LNPK: variants seen among roughly 807,000 people sequenced by gnomAD.
LNPK encodes the protein endoplasmic reticulum junction formation protein lunapark.
Under a neutral mutation model 55.2 loss-of-function variants are expected in LNPK, and 29 were observed. That is an observed-to-expected ratio of 0.53 (90% CI 0.39 to 0.72). LNPK has a LOEUF of 0.72. LNPK is among the 30% of genes least tolerant of loss of function. The pLI, the probability that LNPK is intolerant of heterozygous loss-of-function variation, is 0.00. For missense variants in LNPK, 467 were observed against 494.8 expected (o/e 0.94, Z 0.53); for synonymous variants, 162 against 168.2 (o/e 0.96, Z 0.29).
intron 4 of LNPK, among the ~76,000 whole-genome samples, chr2:175,987,416 C>T (rs1041183720): frequency 2.0e-5 from 3 of 152,066 alleles, no homozygotes; most frequent in South Asian, 2.1e-4. Context: ...AGCAAACTAT[C>T]GCAAGGACAA....
intron 8 of LNPK, among the ~76,000 whole-genome samples, chr2:175,958,121 T>A (rs1413071648): frequency 6.6e-6 from 1 of 152,178 alleles, no homozygotes. Context: ...AGACTCCACC[T>A]CTGGGGGCAG....
intron 9 of LNPK, chr2:175,940,982 T>G (rs1211356705): frequency 2.2e-6 from 1 of 454,668 alleles, no homozygotes; most frequent in Non-Finnish European, 4.4e-6. Flanking sequence ...GCGCAGTAGC[T>G]CATGCCTGTA....
At chr2:175,968,050 G>A (rs1315043785) in intron 6 of LNPK, among the ~76,000 whole-genome samples, 3 of 152,070 alleles carry the variant, frequency 2.0e-5, no homozygotes, top group Admixed American at 1.3e-4. Context: ...TTGCAAGAAT[G>A]ACTCACCATT....
chr2:175,961,499 A>G (rs1389431554), intron 8 of LNPK, among the ~76,000 whole-genome samples: 1 of 152,226 alleles, frequency 6.6e-6, no homozygotes, highest in Non-Finnish European at 1.5e-5. Context: ...ACAAAATTCA[A>G]CAGCCCTTCA....
intron 4 of LNPK, among the ~76,000 whole-genome samples, chr2:175,991,358 G>C (rs978469644): frequency 1.3e-5 from 2 of 152,054 alleles, no homozygotes; most frequent in African/African-American, 2.4e-5. Context: ...TGAAAATAAA[G>C]AAAGTAGCAG....
intron 4 of LNPK, among the ~76,000 whole-genome samples, chr2:175,984,964 C>T (rs75727261): frequency 0.13 from 19,922 of 152,250 alleles, 1,719 homozygotes; most frequent in Non-Finnish European, 0.2. Context: ...TGCAAATGCT[C>T]TTCAGCTGGT....
intron 1 of LNPK, among the ~76,000 whole-genome samples, chr2:175,998,585 AGATTT>A (rs1688046904): frequency 2.6e-5 from 4 of 152,346 alleles, no homozygotes; most frequent in African/African-American, 9.6e-5. Flanking sequence ...TGTATAGATT[AGATTT>A]GAATATTTAT....
chr2:175,945,217 T>G (rs1442779303), intron 9 of LNPK, among the ~76,000 whole-genome samples: 1 of 148,286 alleles, frequency 6.7e-6, no homozygotes, highest in African/African-American at 2.5e-5. Context: ...CACTTTTAAG[T>G]TTCCATCACT....
chr2:175,995,847 T>C (rs1050196476), intron 1 of LNPK, among the ~76,000 whole-genome samples: 1 of 125,962 alleles, frequency 7.9e-6, no homozygotes, highest in African/African-American at 2.9e-5. Context: ...GGAGACTCTC[T>C]GTGTTGCCCA....
chr2:175,947,048 A>G (rs1016157210), intron 9 of LNPK, among the ~76,000 whole-genome samples: 5 of 152,220 alleles, frequency 3.3e-5, no homozygotes, highest in Non-Finnish European at 7.3e-5. Flanking sequence ...TAACAAAAGT[A>G]TACAATACAG....
chr2:175,935,828 G>T, intron 12 of LNPK: 2 of 474,308 alleles, frequency 4.2e-6, no homozygotes, highest in Non-Finnish European at 5.5e-6. Context: ...GCTGGGTGTT[G>T]TTTGCTAACT....
Position 175,992,429 on chromosome 2 carries a change from A to C in LNPK, c.70-11T>G, listed in dbSNP as rs1687748438. ...CAATGCTTGAATTTCCTGTTAAGAG[A>C]AAATTATTCCATGTTAGTAAATTTC... On this transcript the variant is annotated splice_polypyrimidine_tract_variant and intron_variant, in intron 3 of 12. Transcript: ENST00000272748. The C allele has an allele frequency of 2.1e-6, 3 of 1,441,292 alleles. No homozygotes were observed. The highest frequency in any genetic ancestry group is 2.8e-6 in the Non-Finnish European group (3 of 1,077,804). 89.3% of individuals were successfully genotyped at this position (1,441,292 alleles called of 1,614,324 possible).
At chr2:175,992,467 G>T in intron 3 of LNPK, 49 bp from the exon 4 acceptor site, 1 of 1,174,354 alleles carries the variant, frequency 8.5e-7, no homozygotes, top group Non-Finnish European at 1.2e-6. Flanking sequence ...ACTTCATAAA[G>T]AAATTAAAAT....
At chr2:175,967,213 C>A (rs1043269623) in intron 6 of LNPK, among the ~76,000 whole-genome samples, 4 of 152,072 alleles carry the variant, frequency 2.6e-5, no homozygotes, top group Non-Finnish European at 5.9e-5. Flanking sequence ...AAGAATGAAT[C>A]ATTTTTCTGT....
chr2:175,938,432 C>T, intron 10 of LNPK, 49 bp from the exon 11 acceptor site: 1 of 1,038,082 alleles, frequency 9.6e-7, no homozygotes, highest in Non-Finnish European at 1.4e-6. Flanking sequence ...GCAAACAAAG[C>T]TCATGACAGA....
intron 8 of LNPK, among the ~76,000 whole-genome samples, chr2:175,950,817 G>A (rs897059991): frequency 2.6e-5 from 4 of 152,072 alleles, no homozygotes; most frequent in African/African-American, 9.7e-5. Flanking sequence ...CACATGCGAA[G>A]TACTTAACAG....
At chr2:175,955,106 T>A (rs1192417312) in intron 8 of LNPK, among the ~76,000 whole-genome samples, 3 of 152,330 alleles carry the variant, frequency 2.0e-5, no homozygotes, top group African/African-American at 7.2e-5. Flanking sequence ...GCCTTTGTTA[T>A]CTATATTAAA....
intron 4 of LNPK, among the ~76,000 whole-genome samples, chr2:175,986,755 T>C (rs146423973): frequency 1.3e-5 from 2 of 152,008 alleles, no homozygotes; most frequent in East Asian, 3.9e-4. Flanking sequence ...TAAAAAAAAC[T>C]AAATACAGTA....
At chr2:175,986,822 C>T (rs1279901849) in intron 4 of LNPK, among the ~76,000 whole-genome samples, 1 of 151,666 alleles carries the variant, frequency 6.6e-6, no homozygotes, top group Non-Finnish European at 1.5e-5. Flanking sequence ...ATCCAAAAGT[C>T]AGAATAATGC....
Sources: gnomAD v4.1 joint callset for allele counts (sites outside exome capture counted in the v4.1 genomes callset) on GRCh38, gnomAD v4.1.1 for gene constraint, MANE v1.5 for transcripts, NCBI Gene and HGNC (gene_info 2026-07-23, HGNC 2026-07-21) for gene names.